XYLT2: variants seen among roughly 807,000 people sequenced by gnomAD.
XYLT2 encodes the protein xylosyltransferase 2, also known as UDP-D-xylose:proteoglycan core protein beta-D-xylosyltransferase.
A neutral mutation model predicts 82.6 loss-of-function variants in XYLT2; 37 were observed. The observed-to-expected ratio is 0.45, with a 90% CI of 0.34 to 0.59. XYLT2 has a LOEUF of 0.59. Ranked by LOEUF, XYLT2 falls within the 20% of genes least tolerant of loss-of-function variation. The pLI is 0.01. For missense variants in XYLT2, 934 were observed against 1,181.3 expected, an observed-to-expected ratio of 0.79 and a Z score of 3.07; for synonymous variants, 474 against 499.0, an observed-to-expected ratio of 0.95 and a Z score of 0.67.
In XYLT2 at chr17:50,353,817, G is replaced by T; in HGVS notation, c.323G>T (p.Arg108Leu). ...AVTSRQRASRRVPPAPPPEAP... is the reference protein window; with the variant it reads ...AVTSRQRASRLVPPAPPPEAP... ...ACCAGCCGGCAGAGAGCCAGCCGGC[G>T]GGTCCCACCTGCCCCACCCCCGGAA... Residue 108 changes from arginine to leucine, a missense_variant, in exon 2 of 11, where the codon CGG becomes CTG. By Grantham distance (102) the Arg-to-Leu change is moderately radical. This residue lies in a region of XYLT2 where 371 missense variants were observed against 394.9 expected (regional missense o/e 0.94). Coordinates refer to ENST00000017003, the MANE Select transcript of XYLT2 (RefSeq NM_022167.4). 6.3e-7 allele frequency: 1 copy of T among 1,579,686 alleles called. No individual in the cohort carries two copies. The highest frequency in any genetic ancestry group is 1.1e-5 in the South Asian group (1 of 87,558).
chr17:50,350,656 T>C (rs927969640), intron 1 of XYLT2, among the ~76,000 whole-genome samples: 3 of 152,094 alleles, frequency 2.0e-5, no homozygotes, highest in Non-Finnish European at 4.4e-5. Context: ...AAAAAAGCCC[T>C]GCCCTTGGGG....
rs141157858 is a variant in XYLT2 at position 50,358,809 on chromosome 17, C to A, written c.2275+269C>A. ...CTTTTTGTCCTTGGAAGTTACCTGG[C>A]CTTCCTGGGCCTCAGTCTTAGCACG... On this transcript the variant is annotated intron_variant, in intron 10 of 10. Coordinates refer to ENST00000017003, the MANE Select transcript of XYLT2 (RefSeq NM_022167.4). Among the ~76,000 whole-genome samples the A allele has an allele frequency of 3.1e-3, 472 of 152,354 alleles. 5 individuals carry two copies. The highest frequency in any genetic ancestry group is 0.011 in the African/African-American group (459 of 41,582).
At chr17:50,359,798 TCA>T (rs1164287526) in intron 10 of XYLT2, 169 bp from the exon 11 acceptor site, 2 of 624,844 alleles carry the variant, frequency 3.2e-6, no homozygotes, top group African/African-American at 3.7e-5. Context: ...TTTATAAAAC[TCA>T]GTTTTATAGG....
At position 50,356,681 on chromosome 17, in the gene XYLT2, T is replaced by C; in HGVS notation, c.1653T>C (p.Ser551=). Residue 551 remains serine (S), a synonymous_variant, in exon 8 of 11, where the codon AGT becomes AGC. Coordinates refer to ENST00000017003, the MANE Select transcript of XYLT2 (RefSeq NM_022167.4). The part of the protein sequence containing the change: ...YDAADGPSGL[S]DVMLTAYTAF... ...CGGCTGATGGCCCCAGTGGGCTCAG[T>C]GATGTCATGCTCACTGCTTACACAG... 1.2e-6 allele frequency: 2 copies of C among 1,613,188 alleles called. No individual in the cohort carries two copies. The highest frequency in any genetic ancestry group is 1.7e-6 in the Non-Finnish European group (2 of 1,179,970).
chr17:50,348,244 C>T (rs760889918), intron 1 of XYLT2, among the ~76,000 whole-genome samples: 3 of 152,000 alleles, frequency 2.0e-5, no homozygotes, highest in African/African-American at 7.3e-5. Context: ...AAACAGACAG[C>T]GAAAAGGAAT....
At chr17:50,349,431 C>T (rs1912165119) in intron 1 of XYLT2, among the ~76,000 whole-genome samples, 3 of 152,202 alleles carry the variant, frequency 2.0e-5, no homozygotes, top group African/African-American at 7.2e-5. Flanking sequence ...TGGGCGCCCC[C>T]AGCTCCCACT....
chr17:50,360,178 G>C lies in XYLT2; in HGVS notation c.2485G>C (p.Gly829Arg). 6.2e-7 allele frequency: 1 copy of C among 1,614,032 alleles called. No individual in the cohort carries two copies. The change falls in exon 11 of 11, where the codon GGC becomes CGC. Residue 829 changes from glycine (G) to arginine (R), a missense_variant. Gly to Arg is a moderately radical substitution (Grantham distance 125, BLOSUM62 -2). Transcript: ENST00000017003. Reference sequence around the variant, plus strand: ...GTCCGTGGCTGGACTGTGTGCCATAGGCCCCTCTCCCTGCCCCTCCCTGGA... The same window carrying C: ...GTCCGTGGCTGGACTGTGTGCCATACGCCCCTCTCCCTGCCCCTCCCTGGA... ...FWSVAGLCAI[G>R]PSPCPSLEPC...
intron 3 of XYLT2, 43 bp downstream of exon 3, chr17:50,354,626 G>A: frequency 1.3e-6 from 2 of 1,574,024 alleles, no homozygotes; most frequent in Non-Finnish European, 1.7e-6. Context: ...GATGAGCAGA[G>A]CAGAAACAGA....
At chr17:50,350,958 A>G (rs2586459) in intron 1 of XYLT2, among the ~76,000 whole-genome samples, 149,227 of 152,158 alleles carry the variant, frequency 0.98, 73,242 homozygotes, top group Middle Eastern at 1. Flanking sequence ...CGCAGAGAAA[A>G]CCACTGTGGC....
chr17:50,351,582 C>T (rs773927029), intron 1 of XYLT2, among the ~76,000 whole-genome samples: 1 of 151,878 alleles, frequency 6.6e-6, no homozygotes, highest in Non-Finnish European at 1.5e-5. Flanking sequence ...TGCAGTGAGC[C>T]AAGATTGCGC....
At position 50,353,703 on chromosome 17, in the gene XYLT2, G is replaced by A. The variant is rs751428901; in HGVS notation, c.209G>A (p.Arg70Gln). The A allele has an allele frequency of 2.5e-5, 39 of 1,561,978 alleles. No homozygotes were observed. The highest frequency in any genetic ancestry group is 1.1e-4 in the African/African-American group (8 of 73,708). The change falls in exon 2 of 11, where the codon CGA (arginine) becomes CAA (glutamine). Residue 70 changes from arginine (R) to glutamine (Q), a missense_variant. This residue lies in a region of XYLT2 where 371 missense variants were observed against 394.9 expected (regional missense o/e 0.94). Transcript: ENST00000017003. ...GSKDTDSSAG[R>Q]RGSTGRRHGR... ...AAGGACACAGACAGTTCAGCAGGGCGACGGGGCAGCACAGGCAGAAGGCAT... is the reference window on the plus strand; with the variant it reads ...AAGGACACAGACAGTTCAGCAGGGCAACGGGGCAGCACAGGCAGAAGGCAT...
chr17:50,355,436 C>T, intron 4 of XYLT2, 65 bp from the exon 5 acceptor site: 2 of 1,549,394 alleles, frequency 1.3e-6, no homozygotes, highest in Non-Finnish European at 8.9e-7. Context: ...GCCAGAAGGT[C>T]CGCTCTGGGC....
chr17:50,360,556 GA>G lies in XYLT2; in HGVS notation c.*267del. ...TCTTCCTCACCTTCCTGTCTAGTTT[GA>G]ATTTCTTTTTTTTCTTTTTTTTTTT... is the stretch of plus-strand genomic sequence containing the variant. On this transcript the variant is annotated 3_prime_UTR_variant, in exon 11 of 11. Transcript: ENST00000017003. The G allele has an allele frequency of 8.7e-7, 1 of 1,144,528 alleles. No individual in the cohort carries two copies. Among genetic ancestry groups the G allele is most frequent in the Non-Finnish European group, 1.1e-6 (1 of 931,268 alleles). The allele number at this position is 1,144,528 out of a possible 1,614,324, so 70.9% of individuals were successfully genotyped here.
In XYLT2 at chr17:50,346,356, G is replaced by A; in HGVS notation, c.135+81G>A. The A allele has an allele frequency of 1.5e-5, 15 of 991,654 alleles. No individual in the cohort carries two copies. Among genetic ancestry groups the A allele is most frequent in the Non-Finnish European group, 1.8e-5 (15 of 834,554 alleles). The allele number at this position is 991,654 out of a possible 1,614,324, so 61.4% of individuals were successfully genotyped here. A position where few individuals can be genotyped will look rare whatever the true frequency, so the allele number is the denominator to read the frequency against. On this transcript the variant is annotated intron_variant, in intron 1 of 10. Transcript: ENST00000017003. This position sits in a 1 kb window ranked among gnomAD's most constrained non-coding sequence, Gnocchi z 5.1. The stretch of plus-strand genomic sequence containing the variant: ...GGCGGGGCTGCGGGCGGCCCCAGCC[G>A]GGGAAGTGGGGCACGGGCCGCGTGC...
intron 8 of XYLT2, 33 bp downstream of exon 8, chr17:50,356,806 T>G (rs774381138): frequency 3.2e-6 from 5 of 1,580,090 alleles, no homozygotes; most frequent in South Asian, 1.1e-5. Context: ...AGCAGGCCCT[T>G]GGGGTGTGGT....
rs1326891505 is a variant in XYLT2 at position 50,354,942 on chromosome 17, G to A, written c.893G>A (p.Trp298Ter). ...ACGCCCTGGCGCATGGTTACCATCT[G>A]GGGCGGGGCCAGCCTCCTGAGGATG... ...RVTPWRMVTI[W>*]GGASLLRMYL... The change falls in exon 4 of 11, where the codon TGG becomes TAG. Residue 298 changes from tryptophan (W) to a stop codon, truncating the protein, a stop_gained. Transcript: ENST00000017003. LOFTEE classifies it high-confidence loss of function. The A allele has an allele frequency of 6.3e-7, 1 of 1,596,084 alleles. No individual in the cohort carries two copies. The highest frequency in any genetic ancestry group is 8.5e-7 in the Non-Finnish European group (1 of 1,170,808).
At position 50,346,235 on chromosome 17, in the gene XYLT2, T is replaced by C. The variant is rs1912028851; in HGVS notation, c.95T>C (p.Val32Ala). The change falls in exon 1 of 11, where the codon GTG (valine) becomes GCG (alanine). Residue 32 changes from valine (V) to alanine (A), a missense_variant. Val to Ala is a moderately conservative substitution (Grantham distance 64, BLOSUM62 0). Transcript: ENST00000017003. The surrounding 1 kb of genome is among the most constrained non-coding windows in gnomAD (Gnocchi z 5.1). ...LAILLLQGLV[V>A]WSFSGLEEDE... ...ATCCTGCTGCTGCAGGGCCTGGTAG[T>C]GTGGAGCTTCAGCGGCCTGGAGGAG... is the stretch of plus-strand genomic sequence containing the variant. 3 of 1,244,802 alleles carry C rather than the reference T, an allele frequency of 2.4e-6. No homozygotes were observed. The highest frequency in any genetic ancestry group is 3.3e-5 in the South Asian group (2 of 59,972). 77.1% of individuals were successfully genotyped at this position (1,244,802 alleles called of 1,614,324 possible).
In XYLT2 at chr17:50,357,132, G is replaced by A. The variant is rs142950039; in HGVS notation, c.1821G>A (p.Thr607=). The change falls in exon 9 of 11, where the codon ACG becomes ACA. Residue 607 remains threonine, a synonymous_variant. Coordinates refer to ENST00000017003, the MANE Select transcript of XYLT2 (RefSeq NM_022167.4). ...YDDHFQGYLV[T]QAVQPSAQGP... ...ACCATTTCCAGGGCTACCTGGTGAC[G>A]CAGGCGGTGCAGCCCTCAGCCCAGG... The A allele has an allele frequency of 6.0e-4, 965 of 1,613,748 alleles. 1 individual carries two copies. The highest frequency in any genetic ancestry group is 7.7e-4 in the Non-Finnish European group (908 of 1,179,960).
At position 50,355,579 on chromosome 17, in the gene XYLT2, C is replaced by T. The variant is rs1208432184; in HGVS notation, c.1086C>T (p.Ser362=). The T allele has an allele frequency of 2.5e-6, 4 of 1,613,966 alleles. No individual in the cohort carries two copies. Among genetic ancestry groups the T allele is most frequent in the African/African-American group, 1.3e-5 (1 of 74,892 alleles). The change falls in exon 5 of 11, where the codon TCC becomes TCT. Residue 362 remains serine (S), a splice_region_variant and synonymous_variant. Transcript: ENST00000017003. ...TCAAGTCACATGGCCGGGACAACTC[C>T]AGGTGAGGGGGTGGGGAAGGAGGCC... ...NFLKSHGRDN[S]RFIKKQGLDR...
Sources: gnomAD v4.1 joint callset for allele counts (sites outside exome capture counted in the v4.1 genomes callset) on GRCh38, gnomAD v4.1.1 for gene constraint, gnomAD v4.1.1 regional missense constraint, Gnocchi (gnomAD v3.1) non-coding constraint, MANE v1.5 for transcripts, NCBI Gene and HGNC (gene_info 2026-07-23, HGNC 2026-07-21) for gene names.